ARHGAP24: variants seen among roughly 807,000 people sequenced by gnomAD.
The protein encoded by ARHGAP24 is rho GTPase-activating protein 24.
In ARHGAP24, 50 loss-of-function variants were observed where a neutral mutation model predicts 76.4. The ratio of observed to expected loss-of-function variants is 0.65; its 90% CI spans 0.52 to 0.83. The LOEUF (loss-of-function observed/expected upper bound fraction) is 0.83. Ranked by LOEUF, ARHGAP24 falls within the 40% of genes least tolerant of loss-of-function variation. The probability of loss-of-function intolerance (pLI) is 0.00; values close to 1 mark genes in which losing one functional copy is unlikely to be tolerated. For missense variants in ARHGAP24, 930 were observed against 914.2 expected (o/e 1.02, Z -0.22); for synonymous variants, 345 against 323.3 (o/e 1.07, Z -0.72).
chr4:85,534,927 T>TAAAA (rs200978740), intron 1 of ARHGAP24, among the ~76,000 whole-genome samples: 2 of 99,898 alleles, frequency 2.0e-5, no homozygotes, highest in Non-Finnish European at 2.3e-5. Flanking sequence ...ATATTTACAG[T>TAAAA]AAAAAAAAAA....
intron 3 of ARHGAP24, among the ~76,000 whole-genome samples, chr4:85,860,814 G>A (rs1313740778): frequency 6.6e-6 from 1 of 151,884 alleles, no homozygotes; most frequent in African/African-American, 2.4e-5. Context: ...CATATTTTGT[G>A]AGCAGGTTGT....
chr4:85,827,898 A>G, intron 3 of ARHGAP24: 1 of 1,289,706 alleles, frequency 7.8e-7, no homozygotes, highest in Non-Finnish European at 1.0e-6. Flanking sequence ...GACTCAGGAC[A>G]GAGCAGCTGC....
chr4:85,887,179 G>A (rs1560696614), intron 3 of ARHGAP24, among the ~76,000 whole-genome samples: 1 of 152,052 alleles, frequency 6.6e-6, no homozygotes, highest in Non-Finnish European at 1.5e-5. Context: ...CTGTCATGAT[G>A]ATTATTTAAT....
intron 3 of ARHGAP24, among the ~76,000 whole-genome samples, chr4:85,895,165 A>G (rs1051175257): frequency 2.0e-5 from 3 of 152,010 alleles, no homozygotes; most frequent in African/African-American, 7.2e-5. Flanking sequence ...GAACTTATCC[A>G]TGTAACCAGA....
chr4:85,600,285 ACT>A (rs1719989792), intron 2 of ARHGAP24, among the ~76,000 whole-genome samples: 1 of 152,046 alleles, frequency 6.6e-6, no homozygotes, highest in Middle Eastern at 3.2e-3. Context: ...GGTAATTCAG[ACT>A]CTTGTTAAGG....
chr4:85,964,140 AT>A (rs574424093), intron 5 of ARHGAP24, among the ~76,000 whole-genome samples: 117 of 152,188 alleles, frequency 7.7e-4, no homozygotes, highest in Non-Finnish European at 1.1e-3. Context: ...AGGCATTTGT[AT>A]TTCTTTTTAA....
At chr4:85,914,725 T>C (rs762345796) in intron 3 of ARHGAP24, among the ~76,000 whole-genome samples, 1 of 152,210 alleles carries the variant, frequency 6.6e-6, no homozygotes, top group Non-Finnish European at 1.5e-5. Flanking sequence ...TTAGAGGACA[T>C]CCTGATAGAA....
At chr4:85,930,953 G>C in intron 4 of ARHGAP24, 15 of 1,614,028 alleles carry the variant, frequency 9.3e-6, no homozygotes, top group East Asian at 2.2e-5. Context: ...CGGAATTCTG[G>C]GGGGTGCCCG....
chr4:85,535,743 TG>T (rs2110119501), intron 1 of ARHGAP24, among the ~76,000 whole-genome samples: 1 of 152,298 alleles, frequency 6.6e-6, no homozygotes, highest in Non-Finnish European at 1.5e-5. Flanking sequence ...TAGATGTGTA[TG>T]TATGTCTATG....
intron 3 of ARHGAP24, among the ~76,000 whole-genome samples, chr4:85,816,941 T>G (rs1316354899): frequency 6.6e-6 from 1 of 152,208 alleles, no homozygotes; most frequent in Non-Finnish European, 1.5e-5. Context: ...TTTTGTCTTT[T>G]TGATAATAGA....
intron 2 of ARHGAP24, among the ~76,000 whole-genome samples, chr4:85,627,639 G>A (rs574159071): frequency 1.3e-5 from 2 of 152,342 alleles, no homozygotes; most frequent in South Asian, 4.1e-4. Context: ...GGTTACTGCT[G>A]TCTTTTTGTC....
At chr4:85,780,408 A>C (rs1004440756) in intron 3 of ARHGAP24, among the ~76,000 whole-genome samples, 1 of 152,084 alleles carries the variant, frequency 6.6e-6, no homozygotes, top group African/African-American at 2.4e-5. Flanking sequence ...TGCTGACCTC[A>C]TGATCCACCC....
chr4:85,503,914 C>G (rs919887715), intron 1 of ARHGAP24, among the ~76,000 whole-genome samples: 1 of 152,058 alleles, frequency 6.6e-6, no homozygotes, highest in Non-Finnish European at 1.5e-5. Context: ...CTGGTATGTT[C>G]TGTCTTTGTT....
At chr4:85,931,000 A>G in intron 4 of ARHGAP24, 1 of 1,613,842 alleles carries the variant, frequency 6.2e-7, no homozygotes, top group Non-Finnish European at 8.5e-7. Flanking sequence ...CATCCCTAAA[A>G]CTACATACAG....
At chr4:85,946,108 C>G (rs939130145) in intron 5 of ARHGAP24, among the ~76,000 whole-genome samples, 1 of 152,122 alleles carries the variant, frequency 6.6e-6, no homozygotes, top group Non-Finnish European at 1.5e-5. Flanking sequence ...CATCAGATCT[C>G]ATGAGACTCA....
chr4:85,935,409 A>G (rs1453625270), intron 4 of ARHGAP24, among the ~76,000 whole-genome samples: 1 of 152,212 alleles, frequency 6.6e-6, no homozygotes, highest in Non-Finnish European at 1.5e-5. Context: ...GGCTGACCAC[A>G]GGCTCCTGTG....
At chr4:85,883,456 G>A (rs1357183817) in intron 3 of ARHGAP24, among the ~76,000 whole-genome samples, 3 of 152,166 alleles carry the variant, frequency 2.0e-5, no homozygotes, top group Admixed American at 2.0e-4. Context: ...GTTCCAACTA[G>A]TAGGAATGCC....
At chr4:85,922,334 T>A (rs1735769192) in intron 3 of ARHGAP24, among the ~76,000 whole-genome samples, 1 of 152,202 alleles carries the variant, frequency 6.6e-6, no homozygotes, top group Non-Finnish European at 1.5e-5. Flanking sequence ...TGCCTGTAAC[T>A]TTCAGAACTA....
intron 9 of ARHGAP24, 50 bp downstream of exon 9, chr4:85,995,707 C>T (rs369840881): frequency 1.9e-6 from 3 of 1,549,330 alleles, no homozygotes; most frequent in African/African-American, 2.7e-5. Context: ...CAGTAGCCTC[C>T]TACTGTGGGA....
Sources: gnomAD v4.1 joint callset for allele counts (sites outside exome capture counted in the v4.1 genomes callset) on GRCh38, gnomAD v4.1.1 for gene constraint, MANE v1.5 for transcripts, NCBI Gene and HGNC (gene_info 2026-07-23, HGNC 2026-07-21) for gene names.